The following SUPT3H variants were observed in gnomAD, a reference collection of about 807,000 sequenced individuals.
SUPT3H encodes the protein SPT3 homolog, SAGA and STAGA complex component.
SUPT3H carries 44 observed loss-of-function variants against 44.3 expected under a neutral mutation model. The ratio of observed to expected loss-of-function variants is 0.99; its 90% CI spans 0.78 to 1.28. The LOEUF is 1.28. Ranked by LOEUF, SUPT3H falls within the 50% of genes most tolerant of loss-of-function variation. The pLI is 0.00. For synonymous variants in SUPT3H, 124 were observed against 125.6 expected (o/e 0.99, Z 0.09); for missense variants, 380 against 387.1 (o/e 0.98, Z 0.15).
chr6:44,876,656 A>T (rs980194065), intron 10 of SUPT3H, among the ~76,000 whole-genome samples: 4 of 147,458 alleles, frequency 2.7e-5, no homozygotes, highest in East Asian at 1.9e-4. Flanking sequence ...AGTATAATTT[A>T]AAAAAAAAAT....
chr6:45,371,080 A>G (rs1386098152), intron 1 of SUPT3H, among the ~76,000 whole-genome samples: 2 of 152,164 alleles, frequency 1.3e-5, no homozygotes, highest in African/African-American at 2.4e-5. Context: ...TTAATGGTTA[A>G]CTTTTGAGAT....
intron 2 of SUPT3H, among the ~76,000 whole-genome samples, chr6:45,112,683 A>C (rs1258775954): frequency 2.6e-5 from 4 of 152,180 alleles, no homozygotes; most frequent in African/African-American, 7.2e-5. Flanking sequence ...AATTAAAGAG[A>C]TTCTGAAAAA....
intron 2 of SUPT3H, among the ~76,000 whole-genome samples, chr6:45,164,147 G>A (rs1220534727): frequency 6.6e-6 from 1 of 152,130 alleles, no homozygotes; most frequent in African/African-American, 2.4e-5. Flanking sequence ...CAGAGCTGTG[G>A]GGGGCAGTGC....
intron 1 of SUPT3H, among the ~76,000 whole-genome samples, chr6:45,366,853 C>T (rs768485086): frequency 1.3e-4 from 20 of 152,264 alleles, no homozygotes; most frequent in Non-Finnish European, 2.6e-4. Flanking sequence ...TCTTGTCCTA[C>T]GGCTATGGCC....
intron 2 of SUPT3H, among the ~76,000 whole-genome samples, chr6:45,350,900 T>C (rs1791869007): frequency 6.6e-6 from 1 of 152,136 alleles, no homozygotes; most frequent in East Asian, 1.9e-4. Context: ...GGAACCAGGC[T>C]GCACAGCAAG....
At chr6:45,345,651 T>C (rs1446852093) in intron 2 of SUPT3H, among the ~76,000 whole-genome samples, 1 of 152,158 alleles carries the variant, frequency 6.6e-6, no homozygotes, top group East Asian at 1.9e-4. Context: ...TATTCTTCAT[T>C]CCCATTCCCT....
chr6:45,142,536 A>G (rs1157691806), intron 2 of SUPT3H, among the ~76,000 whole-genome samples: 1 of 151,964 alleles, frequency 6.6e-6, no homozygotes, highest in Admixed American at 6.6e-5. Flanking sequence ...CAGGAGTTTG[A>G]GACCAACCTA....
chr6:44,836,213 C>T (rs571931187), intron 10 of SUPT3H, among the ~76,000 whole-genome samples: 66 of 152,228 alleles, frequency 4.3e-4, no homozygotes, highest in African/African-American at 1.3e-3. Context: ...ATCTTGTTTG[C>T]ACCATGCCAT....
At chr6:45,312,772 C>A (rs1430934350) in intron 2 of SUPT3H, among the ~76,000 whole-genome samples, 1 of 150,080 alleles carries the variant, frequency 6.7e-6, no homozygotes, top group African/African-American at 2.5e-5. Flanking sequence ...TAAACTATAC[C>A]TTGGAACAAA....
At chr6:45,131,042 G>A (rs1291443536) in intron 2 of SUPT3H, among the ~76,000 whole-genome samples, 1 of 151,930 alleles carries the variant, frequency 6.6e-6, no homozygotes, top group Non-Finnish European at 1.5e-5. Flanking sequence ...TAGCAAGCAG[G>A]AGCAGAGGAC....
intron 2 of SUPT3H, among the ~76,000 whole-genome samples, chr6:45,124,688 C>T (rs193001754): frequency 4.7e-5 from 7 of 149,698 alleles, no homozygotes; most frequent in Admixed American, 3.3e-4. Context: ...GTACAGCTTA[C>T]CAATTTTTAA....
chr6:45,129,261 C>T (rs1240990644), intron 2 of SUPT3H, among the ~76,000 whole-genome samples: 1 of 152,158 alleles, frequency 6.6e-6, no homozygotes, highest in African/African-American at 2.4e-5. Context: ...ATGAAAAGTG[C>T]TATGTAAAAG....
At chr6:45,141,338 CAAAAA>C (rs1162738855) in intron 2 of SUPT3H, among the ~76,000 whole-genome samples, 2 of 45,280 alleles carry the variant, frequency 4.4e-5, no homozygotes, top group Non-Finnish European at 6.9e-5. Flanking sequence ...GACTCCATCT[CAAAAA>C]AAAAAAAAAA....
At chr6:45,354,997 C>G (rs945979318) in intron 2 of SUPT3H, among the ~76,000 whole-genome samples, 67 of 152,038 alleles carry the variant, frequency 4.4e-4, no homozygotes, top group African/African-American at 1.5e-3. Flanking sequence ...TTTTTGGAGA[C>G]AGGGTCTCAC....
At chr6:45,289,280 A>C (rs1455342363) in intron 2 of SUPT3H, among the ~76,000 whole-genome samples, 2 of 152,162 alleles carry the variant, frequency 1.3e-5, no homozygotes, top group Non-Finnish European at 2.9e-5. Flanking sequence ...ATCATGTATT[A>C]TAAATAAAAA....
At chr6:45,134,774 C>T (rs917294636) in intron 2 of SUPT3H, among the ~76,000 whole-genome samples, 5 of 152,114 alleles carry the variant, frequency 3.3e-5, no homozygotes, top group African/African-American at 7.2e-5. Flanking sequence ...GCTGGTAGCT[C>T]GACAGCTCTG....
intron 2 of SUPT3H, among the ~76,000 whole-genome samples, chr6:45,358,691 T>A (rs1472557715): frequency 6.6e-6 from 1 of 152,196 alleles, no homozygotes; most frequent in Non-Finnish European, 1.5e-5. Context: ...CAGTCTCTTA[T>A]CTGAAATATG....
At chr6:45,073,430 A>T (rs1562399915) in intron 3 of SUPT3H, among the ~76,000 whole-genome samples, 1 of 152,064 alleles carries the variant, frequency 6.6e-6, no homozygotes, top group Non-Finnish European at 1.5e-5. Flanking sequence ...AAAAAAGCTT[A>T]ATAAAGATAA....
intron 2 of SUPT3H, among the ~76,000 whole-genome samples, chr6:45,121,523 G>T (rs887180508): frequency 1.3e-5 from 2 of 151,890 alleles, no homozygotes; most frequent in Admixed American, 6.6e-5. Flanking sequence ...TTATGTGGGG[G>T]GGGGGGTGGA....
Sources: gnomAD v4.1 joint callset for allele counts (sites outside exome capture counted in the v4.1 genomes callset) on GRCh38, gnomAD v4.1.1 for gene constraint, MANE v1.5 for transcripts, NCBI Gene and HGNC (gene_info 2026-07-23, HGNC 2026-07-21) for gene names.